PCGF3: variants seen among roughly 807,000 people sequenced by gnomAD.
PCGF3 encodes polycomb group RING finger protein 3.
In PCGF3, 7 loss-of-function variants were observed where a neutral mutation model predicts 33.1. That is an observed-to-expected ratio of 0.21 (90% confidence interval 0.12 to 0.40). The LOEUF is 0.40. Among genes scored for constraint, PCGF3 ranks in the 10% least tolerant of loss-of-function variants. The pLI is 1.00. For synonymous variants in PCGF3, 153 were observed against 121.3 expected (o/e 1.26, Z -1.72); for missense variants, 211 against 313.3 (o/e 0.67, Z 2.46).
At position 727,442 on chromosome 4, in the gene PCGF3, A is replaced by T. The variant is rs190177535; in HGVS notation, c.-189-3188A>T. On this transcript the variant is annotated intron_variant, in intron 1 of 10. Coordinates refer to ENST00000362003, the Ensembl canonical transcript of PCGF3. ...TTTTTAGTAGAGACAGAGCTTCACCATGTTAGCCAGGATGGTCTCCATCTC... is the reference window on the plus strand; with the variant it reads ...TTTTTAGTAGAGACAGAGCTTCACCTTGTTAGCCAGGATGGTCTCCATCTC... 7.2e-5 allele frequency among the ~76,000 whole-genome samples: 11 copies of T among 151,860 alleles called. No homozygotes were observed. The East Asian group carries it at 2.1e-3, about 29-fold the overall frequency.
intron 8 of PCGF3, among the ~76,000 whole-genome samples, chr4:758,018 A>G (rs1744847893): frequency 6.6e-6 from 1 of 152,012 alleles, no homozygotes; most frequent in South Asian, 2.1e-4. Context: ...ATACAAAAAA[A>G]TTAGCCGGGC....
At chr4:724,409 G>C (rs199784026) in intron 1 of PCGF3, among the ~76,000 whole-genome samples, 1 of 152,260 alleles carries the variant, frequency 6.6e-6, no homozygotes, top group Admixed American at 6.5e-5. Context: ...GGTGGACAGC[G>C]GTGCTGTGGG....
At chr4:734,983 C>G (rs1743767110) in exon 5 of PCGF3, 1 of 1,613,554 alleles carries the variant, frequency 6.2e-7, no homozygotes, top group South Asian at 1.1e-5. Flanking sequence ...CCTGCCCCAC[C>G]TGCAGGATTG....
At chr4:714,961 C>T (rs1397968965) in intron 1 of PCGF3, among the ~76,000 whole-genome samples, 3 of 151,804 alleles carry the variant, frequency 2.0e-5, no homozygotes, top group African/African-American at 4.8e-5. Flanking sequence ...GGTGCTGGGA[C>T]GCTGTAGACG....
At chr4:767,939 C>G (rs1374659828) in exon 11 of PCGF3, 1 of 152,654 alleles carries the variant, frequency 6.6e-6, no homozygotes, top group East Asian at 1.9e-4. Context: ...AACGTTAGAA[C>G]TTAGGCATTT....
At chr4:743,503 C>T in exon 7 of PCGF3, 5 of 1,613,106 alleles carry the variant, frequency 3.1e-6, no homozygotes, top group Admixed American at 1.7e-5. Context: ...GGAGTTCTAT[C>T]ACAAATTGGG....
intron 6 of PCGF3, among the ~76,000 whole-genome samples, chr4:738,429 A>AG (rs1362818358): frequency 1.3e-5 from 2 of 152,332 alleles, no homozygotes; most frequent in African/African-American, 4.8e-5. Flanking sequence ...GAAAAGGCAA[A>AG]GGATACATTC....
chr4:724,606 C>T (rs1743248660), intron 1 of PCGF3, among the ~76,000 whole-genome samples: 2 of 152,180 alleles, frequency 1.3e-5, no homozygotes. Context: ...GTGGGCAGAT[C>T]CTGAGGTCAG....
chr4:752,390 G>A (rs573262060), intron 8 of PCGF3, among the ~76,000 whole-genome samples: 7 of 152,248 alleles, frequency 4.6e-5, no homozygotes, highest in Admixed American at 2.6e-4. Flanking sequence ...ATAAGCCATC[G>A]GTCTGTTTAA....
rs59454315 is a variant in PCGF3 at position 738,614 on chromosome 4, C to T, written c.262+1093C>T. 4.9e-3 allele frequency among the ~76,000 whole-genome samples: 738 copies of T among 151,750 alleles called. 42 individuals are homozygous for T. In the East Asian group the frequency reaches 0.12, roughly 24 times the overall value. On this transcript the variant is annotated intron_variant, in intron 6 of 10. Transcript: ENST00000362003. ...CCTGTAATCCCAGCACTTTGGGAGG[C>T]CGAGGCGGGTGGATCATCAGGTCAA...
intron 8 of PCGF3, among the ~76,000 whole-genome samples, chr4:753,169 TAGAAC>T (rs1438126749): frequency 6.6e-6 from 1 of 152,228 alleles, no homozygotes; most frequent in African/African-American, 2.4e-5. Flanking sequence ...GCAAGGAAGT[TAGAAC>T]AGAACTTTAG....
intron 8 of PCGF3, among the ~76,000 whole-genome samples, chr4:754,569 G>A (rs549513456): frequency 2.0e-5 from 3 of 152,340 alleles, no homozygotes; most frequent in African/African-American, 7.2e-5. Context: ...CTGGGACCTG[G>A]TGCCAGGCTG....
chr4:744,737 CGTGA>C (rs1560210406), intron 8 of PCGF3, 49 bp downstream of exon 8: 1 of 456,076 alleles, frequency 2.2e-6, no homozygotes, highest in Non-Finnish European at 3.9e-6. Flanking sequence ...GCCGTGGAGG[CGTGA>C]GCAGGTGGGC....
At chr4:768,160 G>A (rs77473948) in exon 11 of PCGF3, 9 of 152,660 alleles carry the variant, frequency 5.9e-5, no homozygotes, top group African/African-American at 9.6e-5. Flanking sequence ...CGCCCGTGTC[G>A]ATGTCTTCAG....
exon 11 of PCGF3, chr4:766,213 A>T: frequency 1.5e-6 from 1 of 675,392 alleles, no homozygotes; most frequent in Admixed American, 2.6e-5. Context: ...CTTTTGTATG[A>T]GAGAGAATTC....
chr4:733,472 C>G (rs1436516775), intron 3 of PCGF3, among the ~76,000 whole-genome samples, 200 bp from the exon 4 acceptor site: 1 of 152,174 alleles, frequency 6.6e-6, no homozygotes, highest in South Asian at 2.1e-4. Flanking sequence ...AAAAGGTGGG[C>G]TTGTCCCAGT....
intron 8 of PCGF3, among the ~76,000 whole-genome samples, chr4:758,647 TCTTCTCCTTCC>T (rs1188478456): frequency 2.5e-3 from 271 of 106,762 alleles, no homozygotes; most frequent in Middle Eastern, 6.5e-3. Flanking sequence ...TCTCCCGAGT[TCTTCTCCTTCC>T]GGACTCCAGG....
intron 1 of PCGF3, among the ~76,000 whole-genome samples, chr4:726,020 G>A (rs1372448168): frequency 6.6e-6 from 1 of 152,136 alleles, no homozygotes; most frequent in African/African-American, 2.4e-5. Context: ...CCCGTCCACC[G>A]TGTGTCCATG....
intron 3 of PCGF3, 26 bp downstream of exon 3, chr4:731,136 G>C: frequency 2.5e-6 from 1 of 398,590 alleles, no homozygotes; most frequent in Non-Finnish European, 4.4e-6. Flanking sequence ...CCCGACCCCG[G>C]GGGTCCTGCT....
Sources: gnomAD v4.1 joint callset for allele counts (sites outside exome capture counted in the v4.1 genomes callset) on GRCh38, gnomAD v4.1.1 for gene constraint, MANE v1.5 for transcripts, NCBI Gene and HGNC (gene_info 2026-07-23, HGNC 2026-07-21) for gene names.